Variants in ITPR2 observed in about 807,000 individuals in gnomAD.
ITPR2 encodes the protein inositol 1,4,5-trisphosphate-gated calcium channel ITPR2.
In ITPR2, 207 loss-of-function variants were observed where a neutral mutation model predicts 317.1. The observed-to-expected ratio is 0.65, with a 90% CI of 0.58 to 0.73. The LOEUF (loss-of-function observed/expected upper bound fraction) is 0.73. Ranked by LOEUF, ITPR2 falls within the 30% of genes least tolerant of loss-of-function variation. The pLI, the probability that ITPR2 is intolerant of heterozygous loss-of-function variation, is 0.00. For synonymous variants in ITPR2, 1,156 were observed against 1,149.1 expected (o/e 1.01, Z -0.12); for missense variants, 2,613 against 3,284.0 (o/e 0.80, Z 4.99).
intron 37 of ITPR2, among the ~76,000 whole-genome samples, chr12:26,527,478 T>C (rs1943838484): frequency 6.6e-6 from 1 of 152,258 alleles, no homozygotes; most frequent in Non-Finnish European, 1.5e-5. Flanking sequence ...TCCCTTTCAG[T>C]TCAGGTATAC....
At chr12:26,392,567 C>A (rs1939882717) in intron 54 of ITPR2, among the ~76,000 whole-genome samples, 1 of 152,184 alleles carries the variant, frequency 6.6e-6, no homozygotes, top group African/African-American at 2.4e-5. Flanking sequence ...TTACCAGCAC[C>A]TGGCAGTGTC....
chr12:26,375,409 A>T (rs1258105216), intron 55 of ITPR2, among the ~76,000 whole-genome samples: 2 of 152,272 alleles, frequency 1.3e-5, no homozygotes, highest in Non-Finnish European at 2.9e-5. Context: ...GGTTTGCAGC[A>T]TAATTTCATA....
chr12:26,821,640 G>A (rs1478596240), intron 1 of ITPR2, among the ~76,000 whole-genome samples: 1 of 152,156 alleles, frequency 6.6e-6, no homozygotes, highest in Non-Finnish European at 1.5e-5. Flanking sequence ...AACAAAGAAC[G>A]TTACTTCTAA....
intron 31 of ITPR2, 133 bp from the exon 32 acceptor site, chr12:26,595,723 G>C: frequency 4.1e-6 from 3 of 735,460 alleles, no homozygotes; most frequent in Non-Finnish European, 6.3e-6. Flanking sequence ...TATCCAGAAA[G>C]TATTCTCATT....
chr12:26,372,958 C>T (rs142617161), intron 55 of ITPR2, among the ~76,000 whole-genome samples: 13 of 152,234 alleles, frequency 8.5e-5, no homozygotes, highest in Admixed American at 2.0e-4. Flanking sequence ...TCCATGTCTT[C>T]GAAGAAAATT....
At chr12:26,500,979 T>C (rs2136889818) in intron 37 of ITPR2, among the ~76,000 whole-genome samples, 1 of 152,314 alleles carries the variant, frequency 6.6e-6, no homozygotes, top group South Asian at 2.1e-4. Context: ...TAATATTTTT[T>C]CATTATGTAA....
intron 2 of ITPR2, among the ~76,000 whole-genome samples, chr12:26,738,939 G>A (rs1949179534): frequency 6.6e-6 from 1 of 152,122 alleles, no homozygotes; most frequent in Non-Finnish European, 1.5e-5. Context: ...TCTAACAGAG[G>A]ACTTGGATCC....
chr12:26,624,890 T>C (rs909773863), intron 23 of ITPR2, among the ~76,000 whole-genome samples: 1 of 152,160 alleles, frequency 6.6e-6, no homozygotes, highest in Non-Finnish European at 1.5e-5. Flanking sequence ...GCATTTCCAT[T>C]TTTATGGAGG....
intron 23 of ITPR2, among the ~76,000 whole-genome samples, chr12:26,624,900 G>A (rs937229419): frequency 2.0e-5 from 3 of 152,074 alleles, no homozygotes; most frequent in Non-Finnish European, 4.4e-5. Context: ...TTTTATGGAG[G>A]CACTATTTAC....
At chr12:26,415,797 T>C (rs1490223455) in intron 50 of ITPR2, among the ~76,000 whole-genome samples, 2 of 152,210 alleles carry the variant, frequency 1.3e-5, no homozygotes, top group Admixed American at 6.5e-5. Flanking sequence ...TACATTTGAA[T>C]TCAGAAAAGT....
intron 55 of ITPR2, chr12:26,373,563 C>T (rs1432873040): frequency 6.6e-6 from 1 of 152,128 alleles, no homozygotes; most frequent in Non-Finnish European, 1.5e-5. Flanking sequence ...CACACAATGG[C>T]AAAAACACTT....
intron 13 of ITPR2, among the ~76,000 whole-genome samples, chr12:26,679,474 G>GC (rs767350660): frequency 6.6e-6 from 1 of 152,108 alleles, no homozygotes; most frequent in Non-Finnish European, 1.5e-5. Context: ...CCCTGCAGGA[G>GC]CCTTTCAAAC....
intron 36 of ITPR2, among the ~76,000 whole-genome samples, chr12:26,554,240 C>A (rs1404930175): frequency 6.6e-5 from 10 of 152,170 alleles, no homozygotes; most frequent in Admixed American, 6.5e-4. Flanking sequence ...TTTGTGCTGC[C>A]AAATTTGGTA....
Position 26,735,905 on chromosome 12 carries a change from T to C in ITPR2, c.164-10140A>G, listed in dbSNP as rs184604502. Among the ~76,000 whole-genome samples, 260 of 152,378 alleles carry C rather than the reference T, an allele frequency of 1.7e-3. 1 individual carries two copies. Among genetic ancestry groups the C allele is most frequent in the African/African-American group, 5.9e-3 (246 of 41,592 alleles). On this transcript the variant is annotated intron_variant, in intron 2 of 56. Coordinates refer to ENST00000381340, the MANE Select transcript of ITPR2 (RefSeq NM_002223.4). ...GAATGGGAAGATGCCCTTTTAAAAA[T>C]GTCTTCCTCTTTTTAGCCCCACGCT...
At chr12:26,664,374 A>G (rs11048635) in intron 14 of ITPR2, among the ~76,000 whole-genome samples, 52,331 of 152,150 alleles carry the variant, frequency 0.34, 9,842 homozygotes, top group East Asian at 0.64. Context: ...ATCGATGAAC[A>G]TATCAGCATT....
At chr12:26,669,333 T>C (rs1002029315) in intron 13 of ITPR2, among the ~76,000 whole-genome samples, 1 of 151,772 alleles carries the variant, frequency 6.6e-6, no homozygotes. Context: ...ATATATCTCA[T>C]AAAAGTTCCA....
intron 13 of ITPR2, among the ~76,000 whole-genome samples, chr12:26,677,093 A>G (rs1190048835): frequency 6.6e-6 from 1 of 152,064 alleles, no homozygotes; most frequent in Non-Finnish European, 1.5e-5. Context: ...ATTCAAGGGT[A>G]ATTGCTAATG....
At position 26,535,784 on chromosome 12, in the gene ITPR2, T is replaced by C. The variant is rs116448284; in HGVS notation, c.5073+14463A>G. On this transcript the variant is annotated intron_variant, in intron 37 of 56. Coordinates refer to ENST00000381340, the MANE Select transcript of ITPR2 (RefSeq NM_002223.4). ...CCACTTTTAAAATAAGAATTTTTCA[T>C]AAGAAAATCTTTTTTTGTTGTACTG... Among the ~76,000 whole-genome samples, 953 of 152,332 alleles carry C rather than the reference T, an allele frequency of 6.3e-3. 10 individuals are homozygous for C. The highest frequency in any genetic ancestry group is 0.022 in the African/African-American group (902 of 41,584).
rs188134271 is a variant in ITPR2 at position 26,422,878 on chromosome 12, C to G, written c.6946-3665G>C. ...ACTCCATTACCATATTTTCATCAAC[C>G]ATGTAAGTTAAACTTCTTACTAAAC... On this transcript the variant is annotated intron_variant, in intron 49 of 56. Coordinates refer to ENST00000381340, the MANE Select transcript of ITPR2 (RefSeq NM_002223.4). 8.7e-4 allele frequency among the ~76,000 whole-genome samples: 133 copies of G among 152,224 alleles called. 1 individual carries two copies. The highest frequency in any genetic ancestry group is 3.0e-3 in the African/African-American group (123 of 41,532).
Sources: allele counts gnomAD v4.1 joint callset (sites outside exome capture counted in the v4.1 genomes callset), GRCh38; gene constraint gnomAD v4.1.1; transcripts MANE v1.5; gene names NCBI Gene and HGNC (gene_info 2026-07-23, HGNC 2026-07-21).